LIPA: variants seen among roughly 807,000 people sequenced by gnomAD.
LIPA encodes lipase A, lysosomal acid type.
A neutral mutation model predicts 40.6 loss-of-function variants in LIPA; 26 were observed. That is an observed-to-expected ratio of 0.64 (90% CI 0.47 to 0.89). The LOEUF is 0.89. LIPA is among the 40% of genes least tolerant of loss of function. The pLI, the probability that LIPA is intolerant of heterozygous loss-of-function variation, is 0.00. For missense variants in LIPA, 455 were observed against 479.6 expected (o/e 0.95, Z 0.48); for synonymous variants, 188 against 168.4 (o/e 1.12, Z -0.90).
At chr10:89,340,059 G>C (rs1843836681) in intron 1 of LIPA, 1 of 1,614,110 alleles carries the variant, frequency 6.2e-7, no homozygotes, top group Non-Finnish European at 8.5e-7. Context: ...ATGGTAGTGA[G>C]GAAATGGGCC....
intron 2 of LIPA, among the ~76,000 whole-genome samples, chr10:89,364,218 T>C (rs2133593818): frequency 6.6e-6 from 1 of 152,336 alleles, no homozygotes; most frequent in East Asian, 1.9e-4. Context: ...TTCTCCTTTA[T>C]CACTGCACCC....
intron 2 of LIPA, among the ~76,000 whole-genome samples, chr10:89,366,288 C>A (rs12263584): frequency 0.018 from 2,676 of 152,180 alleles, 39 homozygotes; most frequent in African/African-American, 0.043. Flanking sequence ...GATTTTTGCA[C>A]ATTGATTTTG....
At chr10:89,407,763 G>C (rs1300055128) in intron 2 of LIPA, among the ~76,000 whole-genome samples, 1 of 152,066 alleles carries the variant, frequency 6.6e-6, no homozygotes, top group Admixed American at 6.6e-5. Context: ...CGTCGGTAAG[G>C]GCCGCTAAGT....
At chr10:89,394,687 AAATAAAAT>A (rs1844315507) in intron 2 of LIPA, among the ~76,000 whole-genome samples, 1 of 149,602 alleles carries the variant, frequency 6.7e-6, no homozygotes, top group South Asian at 2.1e-4. Flanking sequence ...AATACATGTA[AAATAAAAT>A]TTATCATTTT....
intron 1 of LIPA, chr10:89,338,263 T>C (rs181890814): frequency 1.1e-4 from 20 of 174,806 alleles, no homozygotes; most frequent in African/African-American, 4.7e-4. Flanking sequence ...AAGTTGATGG[T>C]GTAGTCCCAG....
intron 1 of LIPA, 141 bp from the exon 2 acceptor site, chr10:89,247,790 C>A: frequency 1.9e-6 from 1 of 532,750 alleles, no homozygotes; most frequent in Non-Finnish European, 3.4e-6. Context: ...ACAAATGACT[C>A]CAGCCATATC....
chr10:89,398,540 G>T (rs564956133), intron 2 of LIPA, among the ~76,000 whole-genome samples: 1 of 152,002 alleles, frequency 6.6e-6, no homozygotes, highest in Non-Finnish European at 1.5e-5. Flanking sequence ...GGACAGACCC[G>T]GCACCCTAGT....
intron 2 of LIPA, among the ~76,000 whole-genome samples, chr10:89,397,681 A>ATT (rs113650131): frequency 0.18 from 27,043 of 151,580 alleles, 2,964 homozygotes; most frequent in East Asian, 0.45. Flanking sequence ...GATCCAGAGC[A>ATT]TTTTTTTTCA....
chr10:89,223,453 T>A (rs1386545674), intron 7 of LIPA, among the ~76,000 whole-genome samples: 1 of 152,146 alleles, frequency 6.6e-6, no homozygotes, highest in African/African-American at 2.4e-5. Flanking sequence ...ATCTCCTCAT[T>A]CAATAATCTC....
In LIPA at chr10:89,223,812, C is replaced by A. The variant is rs1842732796; in HGVS notation, c.694G>T (p.Glu232Ter). ...HLIKDLFGDK[E>*]FLPQSAFLKW... Reference sequence around the variant, plus strand: ...AAAAACGCACTCTGGGGAAGAAATTCTTTGTCTCCAAATAAGTCCTACAAA... The same window carrying A: ...AAAAACGCACTCTGGGGAAGAAATTATTTGTCTCCAAATAAGTCCTACAAA... The change falls in exon 7 of 10, where the codon GAA (glutamate) becomes TAA (stop). Residue 232 changes from glutamate (E) to a stop codon, truncating the protein, a stop_gained. Transcript: ENST00000336233. LOFTEE classifies it high-confidence loss of function. The A allele has an allele frequency of 6.2e-7, 1 of 1,614,124 alleles. No homozygotes were observed. Among genetic ancestry groups the A allele is most frequent in the Non-Finnish European group, 8.5e-7 (1 of 1,180,012 alleles).
intron 2 of LIPA, chr10:89,393,291 C>CTGAGCT: frequency 7.8e-7 from 1 of 1,289,472 alleles, no homozygotes; most frequent in East Asian, 5.5e-5. Flanking sequence ...CGCAATCAGG[C>CTGAGCT]TGAGCTTAAG....
At chr10:89,393,075 G>C in intron 2 of LIPA, 2 of 1,178,372 alleles carry the variant, frequency 1.7e-6, no homozygotes, top group Non-Finnish European at 2.2e-6. Flanking sequence ...GGAATGGACA[G>C]CTTGTCTGAG....
intron 2 of LIPA, among the ~76,000 whole-genome samples, chr10:89,377,838 C>T (rs565941537): frequency 1.8e-4 from 28 of 152,346 alleles, no homozygotes; most frequent in African/African-American, 6.7e-4. Flanking sequence ...ATCTCCTACA[C>T]CACATTGACT....
rs1384482705 is a variant in LIPA at position 89,247,560 on chromosome 10, T to A, written c.89A>T (p.Asp30Val). ...TACCACATTCATGTTTGTTTCAGGA[T>A]CCACAGCTGTCAGTTTCCCTCCAGA... ...EGSGGKLTAV[D>V]PETNMNVSEI... The change falls in exon 2 of 10, where the codon GAT becomes GTT. Residue 30 changes from aspartate (D) to valine (V), a missense_variant. Coordinates refer to ENST00000336233, the MANE Select transcript of LIPA (RefSeq NM_000235.4). 1 of 1,610,280 alleles carries A rather than the reference T, an allele frequency of 6.2e-7. No homozygotes were observed.
At chr10:89,306,927 A>G (rs760287568) in intron 1 of LIPA, 2 of 1,614,022 alleles carry the variant, frequency 1.2e-6, no homozygotes, top group Admixed American at 3.3e-5. Context: ...GCTCATCTGA[A>G]GAAAGCTGAT....
At chr10:89,311,542 A>C (rs1843515797) in intron 1 of LIPA, among the ~76,000 whole-genome samples, 1 of 151,600 alleles carries the variant, frequency 6.6e-6, no homozygotes, top group African/African-American at 2.4e-5. Context: ...AAAAAAAAAA[A>C]AAACCCTCAA....
At position 89,214,646 on chromosome 10, in the gene LIPA, A is replaced by C; in HGVS notation, c.*182T>G. ...CTATTCCAGCCCTAATTAAAGAAAAAATAGCTAGTATGTTTCTAATTGAAA... is the reference window on the plus strand; with the variant it reads ...CTATTCCAGCCCTAATTAAAGAAAACATAGCTAGTATGTTTCTAATTGAAA... On this transcript the variant is annotated 3_prime_UTR_variant, in exon 10 of 10. Coordinates refer to ENST00000336233, the MANE Select transcript of LIPA (RefSeq NM_000235.4). The C allele has an allele frequency of 6.9e-6, 4 of 579,868 alleles. No individual in the cohort carries two copies. Among genetic ancestry groups the C allele is most frequent in the South Asian group, 2.1e-5 (1 of 47,988 alleles). 35.9% of individuals were successfully genotyped at this position (579,868 alleles called of 1,614,324 possible).
intron 2 of LIPA, among the ~76,000 whole-genome samples, chr10:89,380,400 A>G (rs1413025838): frequency 1.3e-5 from 2 of 151,660 alleles, no homozygotes; most frequent in African/African-American, 2.4e-5. Flanking sequence ...ACAGGCATAC[A>G]GGGATTAGGT....
chr10:89,358,360 A>G (rs569975358), intron 2 of LIPA, among the ~76,000 whole-genome samples: 1 of 152,342 alleles, frequency 6.6e-6, no homozygotes, highest in East Asian at 1.9e-4. Context: ...TACAGCCACT[A>G]TGGAAAACAG....
Sources: gnomAD v4.1 joint callset for allele counts (sites outside exome capture counted in the v4.1 genomes callset) on GRCh38, gnomAD v4.1.1 for gene constraint, MANE v1.5 for transcripts, NCBI Gene and HGNC (gene_info 2026-07-23, HGNC 2026-07-21) for gene names.